The following SPON1 variants were observed in gnomAD, a reference collection of about 807,000 sequenced individuals.
SPON1 encodes the protein spondin 1.
In SPON1, 52 loss-of-function variants were observed where a neutral mutation model predicts 111.7. The ratio of observed to expected loss-of-function variants is 0.47; its 90% CI spans 0.37 to 0.59. The LOEUF is 0.59. Ranked by LOEUF, SPON1 falls within the 20% of genes least tolerant of loss-of-function variation. The pLI, the probability that SPON1 is intolerant of heterozygous loss-of-function variation, is 0.00. For missense variants in SPON1, 957 were observed against 1,068.5 expected, an observed-to-expected ratio of 0.90 and a Z score of 1.46; for synonymous variants, 410 against 395.8, an observed-to-expected ratio of 1.04 and a Z score of -0.43.
intron 3 of SPON1, among the ~76,000 whole-genome samples, chr11:14,059,458 C>T (rs970269626): frequency 6.6e-6 from 1 of 152,038 alleles, no homozygotes; most frequent in Non-Finnish European, 1.5e-5. Context: ...CCGTAGACCC[C>T]CCACTACCCC....
At position 14,135,539 on chromosome 11, in the gene SPON1, G is replaced by C. The variant is rs540840723; in HGVS notation, c.796G>C (p.Val266Leu). The C allele has an allele frequency of 6.2e-7, 1 of 1,613,406 alleles. No individual in the cohort carries two copies. The highest frequency in any genetic ancestry group is 8.5e-7 in the Non-Finnish European group (1 of 1,179,570). The change falls in exon 6 of 16, where the codon GTG (valine) becomes CTG (leucine). Residue 266 changes from valine (V) to leucine (L), a missense_variant. Around this residue, in one of 5 missense-constraint regions of SPON1, gnomAD observed 122 missense variants for 143.2 expected, o/e 0.85. Coordinates refer to ENST00000576479, the MANE Select transcript of SPON1 (RefSeq NM_006108.4). The surrounding 1 kb of genome is among the most constrained non-coding windows in gnomAD (Gnocchi z 4.4). ...ACAAGTTGCAGAATTGGGCTCACCC[G>C]TGAAAATGGAGGAAGAAATTCGACA... ...VKQVAELGSP[V>L]KMEEEIRQQS...
intron 5 of SPON1, among the ~76,000 whole-genome samples, chr11:14,119,951 A>C (rs1228397413): frequency 1.3e-5 from 2 of 152,214 alleles, no homozygotes; most frequent in African/African-American, 4.8e-5. Flanking sequence ...CACTGGCCAC[A>C]TTTAAGTGCT....
intron 6 of SPON1, among the ~76,000 whole-genome samples, chr11:14,161,029 TTATA>T (rs574104420): frequency 0.014 from 724 of 51,472 alleles, 101 homozygotes; most frequent in African/African-American, 0.052. Flanking sequence ...CTATATATAT[TTATA>T]TATATCTATA....
rs548624943 is a variant in SPON1, at chr11:14,156,916, G to A, written c.825+21348G>A. On this transcript the variant is annotated intron_variant, in intron 6 of 15. Transcript: ENST00000576479. ...ACTATTACAAGAACAGCAAGGGGAA[G>A]TCTGCCCCCATGATTCAATCACCTC... Among the ~76,000 whole-genome samples the A allele has an allele frequency of 2.0e-5, 3 of 152,264 alleles. No homozygotes were observed. In the East Asian group the frequency reaches 5.8e-4, roughly 29 times the overall value.
chr11:14,186,281 G>A (rs898241038), intron 6 of SPON1, among the ~76,000 whole-genome samples: 13 of 152,356 alleles, frequency 8.5e-5, no homozygotes, highest in East Asian at 3.9e-4. Flanking sequence ...TGCCAGAAGA[G>A]TTTGAACAAG....
chr11:14,028,976 C>T (rs1554915693), intron 2 of SPON1, among the ~76,000 whole-genome samples: 1 of 152,148 alleles, frequency 6.6e-6, no homozygotes, highest in Non-Finnish European at 1.5e-5. Flanking sequence ...GGAGATAGCT[C>T]TTTTCTTATT....
intron 2 of SPON1, among the ~76,000 whole-genome samples, chr11:14,010,543 A>AG (rs1455344918): frequency 6.6e-6 from 1 of 152,136 alleles, no homozygotes; most frequent in Non-Finnish European, 1.5e-5. Context: ...ATTTTCTGAG[A>AG]GGAAAAAAAT....
chr11:14,234,961 G>T (rs545230145), intron 6 of SPON1, among the ~76,000 whole-genome samples: 2 of 152,222 alleles, frequency 1.3e-5, no homozygotes, highest in Non-Finnish European at 2.9e-5. Context: ...GGGGAACGGG[G>T]CATAGAATGA....
intron 2 of SPON1, among the ~76,000 whole-genome samples, chr11:14,039,865 A>G (rs1848620089): frequency 6.6e-6 from 1 of 152,198 alleles, no homozygotes; most frequent in South Asian, 2.1e-4. Flanking sequence ...AGCAAGAAAA[A>G]GACAATAGAA....
intron 5 of SPON1, among the ~76,000 whole-genome samples, chr11:14,105,242 T>C (rs1355251476): frequency 1.3e-5 from 2 of 152,282 alleles, no homozygotes; most frequent in East Asian, 3.9e-4. Context: ...AAGCAATGTG[T>C]TCAGTTCATT....
intron 6 of SPON1, among the ~76,000 whole-genome samples, chr11:14,188,643 T>C (rs1455745152): frequency 1.3e-5 from 2 of 152,184 alleles, no homozygotes; most frequent in Non-Finnish European, 2.9e-5. Context: ...GTTCATATTC[T>C]TGAAACTTTT....
At chr11:14,178,812 AAGTG>A (rs1564924896) in intron 6 of SPON1, among the ~76,000 whole-genome samples, 1 of 46,750 alleles carries the variant, frequency 2.1e-5, no homozygotes, top group South Asian at 5.9e-4. Context: ...CTATTATGGT[AAGTG>A]TCGGATTCAT....
At chr11:14,132,799 C>G (rs569909980) in intron 5 of SPON1, among the ~76,000 whole-genome samples, 2 of 152,286 alleles carry the variant, frequency 1.3e-5, no homozygotes, top group African/African-American at 4.8e-5. Flanking sequence ...ATGTTTTACT[C>G]AGTTTTGTAG....
chr11:14,227,512 C>G (rs1848753309), intron 6 of SPON1, among the ~76,000 whole-genome samples: 1 of 152,216 alleles, frequency 6.6e-6, no homozygotes, highest in Non-Finnish European at 1.5e-5. Context: ...AACCCCTCCT[C>G]CTGCTCTCTG....
At chr11:14,114,429 A>C (rs1180505177) in intron 5 of SPON1, among the ~76,000 whole-genome samples, 3 of 152,228 alleles carry the variant, frequency 2.0e-5, no homozygotes, top group Non-Finnish European at 4.4e-5. Flanking sequence ...CCTGTGTAAT[A>C]CAGATTGTTT....
intron 6 of SPON1, among the ~76,000 whole-genome samples, chr11:14,209,716 A>G (rs1848554524): frequency 6.6e-6 from 1 of 152,208 alleles, no homozygotes; most frequent in African/African-American, 2.4e-5. Context: ...GTGCTGCAAT[A>G]AACATGTGTG....
chr11:14,030,540 T>C (rs571881868), intron 2 of SPON1, among the ~76,000 whole-genome samples: 6 of 152,038 alleles, frequency 3.9e-5, no homozygotes, highest in African/African-American at 1.4e-4. Context: ...GAAGAGAAAA[T>C]AAAGCAAGTG....
chr11:14,024,802 C>G (rs1554915154), intron 2 of SPON1, among the ~76,000 whole-genome samples: 21 of 152,204 alleles, frequency 1.4e-4, no homozygotes. Flanking sequence ...GCTTCCCTGC[C>G]CTACTTCCGC....
intron 6 of SPON1, among the ~76,000 whole-genome samples, chr11:14,184,838 G>A (rs558646854): frequency 6.6e-6 from 1 of 152,312 alleles, no homozygotes; most frequent in South Asian, 2.1e-4. Flanking sequence ...TGGGATCCCT[G>A]AAAGCTCTGG....
Sources: allele counts gnomAD v4.1 joint callset (sites outside exome capture counted in the v4.1 genomes callset), GRCh38; gene constraint gnomAD v4.1.1; regional missense constraint gnomAD v4.1.1; non-coding constraint Gnocchi (gnomAD v3.1); transcripts MANE v1.5; gene names NCBI Gene and HGNC (gene_info 2026-07-23, HGNC 2026-07-21).